The following VIPR2 variants were observed in gnomAD, a reference collection of about 807,000 sequenced individuals.
VIPR2 encodes vasoactive intestinal polypeptide receptor 2.
Under a neutral mutation model 58.0 loss-of-function variants are expected in VIPR2, and 48 were observed. The ratio of observed to expected loss-of-function variants is 0.83; its 90% CI spans 0.66 to 1.05. The LOEUF is 1.05. Among genes scored for constraint, VIPR2 ranks in the 50% least tolerant of loss-of-function variants. The pLI, the probability that VIPR2 is intolerant of heterozygous loss-of-function variation, is 0.00. For synonymous variants in VIPR2, 243 were observed against 235.2 expected, an observed-to-expected ratio of 1.03 and a Z score of -0.30; for missense variants, 534 against 558.0, an observed-to-expected ratio of 0.96 and a Z score of 0.43.
chr7:159,129,214 G>A (rs1210838041), intron 2 of VIPR2, among the ~76,000 whole-genome samples: 3 of 145,156 alleles, frequency 2.1e-5, no homozygotes, highest in Non-Finnish European at 4.6e-5. Flanking sequence ...GACTCTGGTG[G>A]GGACAGGGCC....
intron 1 of VIPR2, among the ~76,000 whole-genome samples, chr7:159,144,069 C>T (rs760599674): frequency 6.6e-6 from 1 of 152,258 alleles, no homozygotes; most frequent in Non-Finnish European, 1.5e-5. Flanking sequence ...AAACCCGCTT[C>T]AGTCTCCAAG....
At chr7:159,034,120 G>A (rs990375088) in intron 10 of VIPR2, 93 bp downstream of exon 10, 13 of 1,284,018 alleles carry the variant, frequency 1.0e-5, no homozygotes, top group South Asian at 3.9e-5. Context: ...AGGCGGAGTC[G>A]CCGCACCTCC....
At chr7:159,101,171 C>T (rs1157791744) in intron 4 of VIPR2, among the ~76,000 whole-genome samples, 5 of 142,238 alleles carry the variant, frequency 3.5e-5, no homozygotes, top group African/African-American at 7.9e-5. Context: ...GCCGTTCCCC[C>T]GACTGTTCCT....
At chr7:159,064,841 C>T (rs1354163366) in intron 4 of VIPR2, among the ~76,000 whole-genome samples, 2 of 152,206 alleles carry the variant, frequency 1.3e-5, no homozygotes, top group Non-Finnish European at 1.5e-5. Flanking sequence ...GAGGCCTCGC[C>T]TAGAGGCCCG....
intron 4 of VIPR2, among the ~76,000 whole-genome samples, chr7:159,059,541 G>A (rs1419149188): frequency 6.6e-6 from 1 of 152,140 alleles, no homozygotes; most frequent in Non-Finnish European, 1.5e-5. Context: ...TAACTTTACT[G>A]TTTAATCATT....
intron 3 of VIPR2, 81 bp from the exon 4 acceptor site, chr7:159,103,935 G>C (rs115956556): frequency 8.1e-6 from 10 of 1,239,942 alleles, no homozygotes; most frequent in South Asian, 1.3e-5. Flanking sequence ...TGCTGAGCCC[G>C]TGCTCTATTA....
intron 5 of VIPR2, among the ~76,000 whole-genome samples, chr7:159,054,245 T>C (rs1171390626): frequency 6.6e-6 from 1 of 152,120 alleles, no homozygotes; most frequent in Non-Finnish European, 1.5e-5. Context: ...CATGAAAAGT[T>C]AAAATAATAA....
rs767398790 is a variant in VIPR2 at position 159,099,198 on chromosome 7, C to A, written c.357+4559G>T. ...TCTCACTTTAAAATATTTTGACTTTCTAATCCCTTAGCAGTGAATATGCAC... is the reference window on the plus strand; with the variant it reads ...TCTCACTTTAAAATATTTTGACTTTATAATCCCTTAGCAGTGAATATGCAC... On this transcript the variant is annotated intron_variant, in intron 4 of 12. Transcript: ENST00000262178. This position sits in a 1 kb window ranked among gnomAD's most constrained non-coding sequence, Gnocchi z 4.2. Among the ~76,000 whole-genome samples, 4 of 152,238 alleles carry A rather than the reference C, an allele frequency of 2.6e-5. No individual in the cohort carries two copies. The highest frequency in any genetic ancestry group is 4.8e-5 in the African/African-American group (2 of 41,460).
At chr7:159,042,952 G>A (rs1854435937) in intron 6 of VIPR2, 83 bp downstream of exon 6, 1 of 1,521,832 alleles carries the variant, frequency 6.6e-7, no homozygotes. Flanking sequence ...CCCTGCACCA[G>A]CACAGAGACG....
At chr7:159,138,269 AAG>A (rs1797311869) in intron 2 of VIPR2, among the ~76,000 whole-genome samples, 2 of 152,218 alleles carry the variant, frequency 1.3e-5, no homozygotes, top group South Asian at 4.1e-4. Context: ...TCCTCTGACA[AAG>A]AGAAACAAGC....
In VIPR2 at chr7:159,098,611, T is replaced by G. The variant is rs115950982; in HGVS notation, c.357+5146A>C. Among the ~76,000 whole-genome samples the G allele has an allele frequency of 9.5e-4, 145 of 152,240 alleles. No homozygotes were observed. Among genetic ancestry groups the G allele is most frequent in the African/African-American group, 3.4e-3 (143 of 41,552 alleles). Reference sequence around the variant, plus strand: ...GCTCCAGGTCCAGATGAGATGCAGCTGCTCAGCAGTGCCCAGGGCTGCCCT... The same window carrying G: ...GCTCCAGGTCCAGATGAGATGCAGCGGCTCAGCAGTGCCCAGGGCTGCCCT... On this transcript the variant is annotated intron_variant, in intron 4 of 12. Transcript: ENST00000262178. The surrounding 1 kb of genome is among the most constrained non-coding windows in gnomAD (Gnocchi z 5.2).
chr7:159,071,926 C>A (rs1856423588), intron 4 of VIPR2, among the ~76,000 whole-genome samples: 1 of 149,980 alleles, frequency 6.7e-6, no homozygotes, highest in Non-Finnish European at 1.5e-5. Context: ...ACACACATCG[C>A]TAGACTAGCA....
At chr7:159,142,341 T>TC (rs1233184823) in intron 2 of VIPR2, 105 bp downstream of exon 2, 1 of 806,952 alleles carries the variant, frequency 1.2e-6, no homozygotes, top group Non-Finnish European at 2.0e-6. Flanking sequence ...CTTTTTCTTT[T>TC]TTTTTTTTTA....
intron 4 of VIPR2, among the ~76,000 whole-genome samples, chr7:159,067,012 A>G (rs1856129425): frequency 6.6e-6 from 1 of 152,190 alleles, no homozygotes; most frequent in Admixed American, 6.5e-5. Flanking sequence ...CCATGTGCGG[A>G]TACTGAGATC....
intron 12 of VIPR2, 47 bp from the exon 13 acceptor site, chr7:159,030,836 G>C (rs1371925156): frequency 6.1e-6 from 9 of 1,466,668 alleles, no homozygotes; most frequent in Non-Finnish European, 7.2e-6. Flanking sequence ...GGGCAGGTGC[G>C]GGCGGCTGCT....
chr7:159,092,086 A>T, intron 4 of VIPR2, among the ~76,000 whole-genome samples: 1 of 152,204 alleles, frequency 6.6e-6, no homozygotes. Flanking sequence ...TCCCTCAGAA[A>T]ACGGAGGTGA....
rs573786514 is a variant in VIPR2, at chr7:159,115,268, C to T, written c.152-5349G>A. On this transcript the variant is annotated intron_variant, in intron 2 of 12. Transcript: ENST00000262178. ...CAGAGTTAGACAAATGCAACATAAA[C>T]CCAGCAAACCTGTCTCACAAATCAA... Among the ~76,000 whole-genome samples the T allele has an allele frequency of 6.4e-4, 98 of 152,316 alleles. 1 individual carries two copies. The highest frequency in any genetic ancestry group is 1.2e-3 in the Non-Finnish European group (83 of 68,026).
intron 4 of VIPR2, among the ~76,000 whole-genome samples, chr7:159,088,571 A>T (rs575418611): frequency 6.6e-6 from 1 of 152,370 alleles, no homozygotes; most frequent in African/African-American, 2.4e-5. Context: ...GAGTCAGGAC[A>T]GTCCCACCAC....
chr7:159,067,902 G>A (rs1302979075), intron 4 of VIPR2, among the ~76,000 whole-genome samples: 1 of 152,254 alleles, frequency 6.6e-6, no homozygotes, highest in Non-Finnish European at 1.5e-5. Context: ...CACTTGCAAT[G>A]GTTTGTGGCT....
Sources: allele counts gnomAD v4.1 joint callset (sites outside exome capture counted in the v4.1 genomes callset), GRCh38; gene constraint gnomAD v4.1.1; non-coding constraint Gnocchi (gnomAD v3.1); transcripts MANE v1.5; gene names NCBI Gene and HGNC (gene_info 2026-07-23, HGNC 2026-07-21).